Variants in OPCML observed in about 807,000 individuals in gnomAD.
The protein encoded by OPCML is opioid-binding protein/cell adhesion molecule.
A neutral mutation model predicts 37.8 loss-of-function variants in OPCML; 13 were observed. The observed-to-expected ratio is 0.34, with a 90% CI of 0.22 to 0.55. OPCML has a LOEUF of 0.55. Among genes scored for constraint, OPCML ranks in the 20% least tolerant of loss-of-function variants. The probability of loss-of-function intolerance (pLI) is 0.91; values close to 1 mark genes in which losing one functional copy is unlikely to be tolerated. For missense variants in OPCML, 341 were observed against 435.6 expected (o/e 0.78, Z 1.93); for synonymous variants, 176 against 168.8 (o/e 1.04, Z -0.33).
At chr11:132,743,789 G>A (rs1945518236) in intron 2 of OPCML, among the ~76,000 whole-genome samples, 1 of 152,164 alleles carries the variant, frequency 6.6e-6, no homozygotes, top group Admixed American at 6.5e-5. Flanking sequence ...ATGTTCATGT[G>A]AAAAGCAGCC....
At chr11:133,119,585 A>G (rs1239989799) in intron 1 of OPCML, among the ~76,000 whole-genome samples, 4 of 152,266 alleles carry the variant, frequency 2.6e-5, no homozygotes, top group Non-Finnish European at 5.9e-5. Context: ...CAGAGGGGAG[A>G]AACCATTCAC....
chr11:133,469,570 T>C (rs934868960), intron 1 of OPCML, among the ~76,000 whole-genome samples: 6 of 152,220 alleles, frequency 3.9e-5, no homozygotes, highest in African/African-American at 1.4e-4. Flanking sequence ...TTATCACCTG[T>C]TTGTTTTTCC....
chr11:133,236,185 C>G lies in OPCML; in HGVS notation c.62-293175G>C, dbSNP rs542707693. ...AAAATAAGGGTGGCTTGAACACATGCACTGCGATAATCCCCACAGTCGATC... is the reference window on the plus strand; with the variant it reads ...AAAATAAGGGTGGCTTGAACACATGGACTGCGATAATCCCCACAGTCGATC... On this transcript the variant is annotated intron_variant, in intron 1 of 7. Coordinates refer to ENST00000524381, the MANE Select transcript of OPCML (RefSeq NM_001012393.5). Among the ~76,000 whole-genome samples, 8 of 152,246 alleles carry G rather than the reference C, an allele frequency of 5.3e-5. No homozygotes were observed. In the Middle Eastern group the frequency reaches 0.01, roughly 196 times the overall value.
chr11:132,446,781 AT>A, intron 4 of OPCML, among the ~76,000 whole-genome samples: 1 of 152,054 alleles, frequency 6.6e-6, no homozygotes, highest in Middle Eastern at 3.4e-3. Flanking sequence ...AAACGACAGC[AT>A]TTTTTTTAGA....
chr11:133,467,404 C>T (rs1008729365), intron 1 of OPCML, among the ~76,000 whole-genome samples: 6 of 152,156 alleles, frequency 3.9e-5, no homozygotes, highest in African/African-American at 7.2e-5. Context: ...TCACTAAAAT[C>T]TCAAAAAAGT....
intron 1 of OPCML, among the ~76,000 whole-genome samples, chr11:133,324,894 T>C (rs890707573): frequency 5.3e-5 from 8 of 152,148 alleles, no homozygotes; most frequent in Non-Finnish European, 7.3e-5. Context: ...CAGAATAGTA[T>C]ATAGTATTAT....
chr11:133,512,211 C>T (rs1390820398), intron 1 of OPCML, among the ~76,000 whole-genome samples: 1 of 152,240 alleles, frequency 6.6e-6, no homozygotes, highest in Admixed American at 6.5e-5. Flanking sequence ...TTGTCCCAAA[C>T]CTACTTACCT....
At chr11:132,824,356 G>A (rs897305221) in intron 2 of OPCML, among the ~76,000 whole-genome samples, 3 of 151,926 alleles carry the variant, frequency 2.0e-5, no homozygotes, top group African/African-American at 4.8e-5. Flanking sequence ...CAGCTCCAAC[G>A]TGCACCTAGA....
At chr11:132,426,206 G>T (rs560452211) in intron 7 of OPCML, among the ~76,000 whole-genome samples, 3 of 152,282 alleles carry the variant, frequency 2.0e-5, no homozygotes, top group Non-Finnish European at 4.4e-5. Flanking sequence ...TTAGAATATA[G>T]AAAGAATAGT....
chr11:132,510,705 T>C (rs1004047426), intron 4 of OPCML, among the ~76,000 whole-genome samples: 2 of 152,204 alleles, frequency 1.3e-5, no homozygotes, highest in Admixed American at 6.5e-5. Context: ...TCCCCAGCCA[T>C]GTGGAACTGT....
intron 2 of OPCML, among the ~76,000 whole-genome samples, chr11:132,869,726 G>C (rs1444971144): frequency 6.6e-6 from 1 of 152,156 alleles, no homozygotes; most frequent in Non-Finnish European, 1.5e-5. Context: ...AACTGTTTTA[G>C]CTAATTGTGC....
At chr11:133,341,071 C>T (rs1194903612) in intron 1 of OPCML, among the ~76,000 whole-genome samples, 1 of 152,154 alleles carries the variant, frequency 6.6e-6, no homozygotes, top group Non-Finnish European at 1.5e-5. Context: ...TAACTCATAG[C>T]TCTGTCCTCA....
At chr11:132,574,507 C>A (rs1222609645) in intron 3 of OPCML, among the ~76,000 whole-genome samples, 2 of 151,648 alleles carry the variant, frequency 1.3e-5, no homozygotes, top group South Asian at 4.2e-4. Flanking sequence ...TTAAAAAATT[C>A]TTCTTTTGAC....
At chr11:133,080,366 C>T (rs1421927327) in intron 1 of OPCML, among the ~76,000 whole-genome samples, 1 of 152,094 alleles carries the variant, frequency 6.6e-6, no homozygotes, top group African/African-American at 2.4e-5. Flanking sequence ...CGGTGTGTGG[C>T]CCACACGGTG....
chr11:132,810,015 A>C (rs1202594884), intron 2 of OPCML, among the ~76,000 whole-genome samples: 1 of 151,746 alleles, frequency 6.6e-6, no homozygotes. Flanking sequence ...ACGCCCGGCT[A>C]ATTTTTTGTA....
At chr11:133,499,163 C>T (rs541488493) in intron 1 of OPCML, among the ~76,000 whole-genome samples, 6 of 152,244 alleles carry the variant, frequency 3.9e-5, no homozygotes, top group Admixed American at 1.3e-4. Context: ...CAGAAGTCAA[C>T]GTTTTTGCTG....
intron 2 of OPCML, among the ~76,000 whole-genome samples, chr11:132,935,701 T>C (rs1945345897): frequency 1.3e-5 from 2 of 152,342 alleles, no homozygotes; most frequent in South Asian, 2.1e-4. Context: ...TATGAATGCA[T>C]GGCAAGGCCT....
At chr11:133,025,453 C>A in intron 1 of OPCML, 1 of 985,366 alleles carries the variant, frequency 1.0e-6, no homozygotes, top group Non-Finnish European at 1.2e-6. Context: ...TGAAGAAATC[C>A]AAACTTTATA....
intron 1 of OPCML, among the ~76,000 whole-genome samples, chr11:132,987,048 T>G (rs1946693154): frequency 6.6e-6 from 1 of 152,114 alleles, no homozygotes; most frequent in Non-Finnish European, 1.5e-5. Flanking sequence ...CTACCCTAAG[T>G]AACCATGTGA....
Sources: allele counts gnomAD v4.1 joint callset (sites outside exome capture counted in the v4.1 genomes callset), GRCh38; gene constraint gnomAD v4.1.1; transcripts MANE v1.5; gene names NCBI Gene and HGNC (gene_info 2026-07-23, HGNC 2026-07-21).